Variants in FAXDC2 observed in about 807,000 individuals in gnomAD.
FAXDC2 encodes fatty acid hydroxylase domain containing 2, also known as fatty acid hydroxylase domain-containing protein 2.
A neutral mutation model predicts 40.9 loss-of-function variants in FAXDC2; 41 were observed. That is an observed-to-expected ratio of 1.00 (90% CI 0.78 to 1.30). The LOEUF is 1.30. Among genes scored for constraint, FAXDC2 ranks in the 50% most tolerant of loss-of-function variants. FAXDC2 has a pLI of 0.00. For missense variants in FAXDC2, 390 were observed against 408.8 expected, an observed-to-expected ratio of 0.95 and a Z score of 0.40; for synonymous variants, 157 against 149.3, an observed-to-expected ratio of 1.05 and a Z score of -0.38.
At chr5:154,842,826 G>A (rs540750946) in intron 1 of FAXDC2, among the ~76,000 whole-genome samples, 2 of 150,866 alleles carry the variant, frequency 1.3e-5, no homozygotes, top group South Asian at 2.1e-4. Flanking sequence ...CACTGCACCC[G>A]GCCCTTTTTT....
At chr5:154,835,027 A>G in intron 2 of FAXDC2, 93 bp from the exon 3 acceptor site, 1 of 801,052 alleles carries the variant, frequency 1.2e-6, no homozygotes. Flanking sequence ...CTGTAGGATC[A>G]GCATCTCAAC....
At position 154,820,260 on chromosome 5, in the gene FAXDC2, A is replaced by G; in HGVS notation, c.*56T>C. 1 of 1,426,956 alleles carries G rather than the reference A, an allele frequency of 7.0e-7. No individual in the cohort carries two copies. The highest frequency in any genetic ancestry group is 1.3e-5 in the South Asian group (1 of 74,388). The allele number at this position is 1,426,956 out of a possible 1,614,324, so 88.4% of individuals were successfully genotyped here. ...GGCAAATTGTTAGGTGCAATCAGGA[A>G]GCCGTGTCTGCATCCCATGGCTGAG... On this transcript the variant is annotated 3_prime_UTR_variant, in exon 9 of 9. Transcript: ENST00000326080.
chr5:154,824,694 T>C, intron 5 of FAXDC2: 2 of 607,164 alleles, frequency 3.3e-6, no homozygotes, highest in Non-Finnish European at 5.9e-6. Context: ...GCACTCAGTG[T>C]ACTGGGTGTT....
chr5:154,839,637 C>A (rs1157108633), intron 1 of FAXDC2, among the ~76,000 whole-genome samples: 6 of 151,274 alleles, frequency 4.0e-5, no homozygotes, highest in African/African-American at 9.7e-5. Context: ...CAGAGTGTGA[C>A]CTTGTCTCAA....
intron 5 of FAXDC2, 119 bp downstream of exon 5, chr5:154,830,682 G>T: frequency 8.5e-7 from 1 of 1,177,550 alleles, no homozygotes. Flanking sequence ...GGGGAGCCTT[G>T]TTGCTAATAA....
Position 154,826,063 on chromosome 5 carries a change from G to A in FAXDC2, c.367-2471C>T, listed in dbSNP as rs115342446. Among the ~76,000 whole-genome samples, 1,138 of 152,272 alleles carry A rather than the reference G, an allele frequency of 7.5e-3. 11 individuals are homozygous for A. Among genetic ancestry groups the A allele is most frequent in the African/African-American group, 0.027 (1,102 of 41,540 alleles). On this transcript the variant is annotated intron_variant, in intron 5 of 8. Transcript: ENST00000326080. Reference sequence around the variant, plus strand: ...AGAGTTCTGGGCTAGAGAGATAAATGTGTGAGCTGTCGGCCTATGGATGGT... The same window carrying A: ...AGAGTTCTGGGCTAGAGAGATAAATATGTGAGCTGTCGGCCTATGGATGGT...
At chr5:154,831,781 G>T (rs1760199085) in intron 4 of FAXDC2, among the ~76,000 whole-genome samples, 1 of 152,000 alleles carries the variant, frequency 6.6e-6, no homozygotes, top group Non-Finnish European at 1.5e-5. Flanking sequence ...AGTAACTGAA[G>T]TAATAAAGTG....
At chr5:154,844,175 G>A (rs1482320613) in intron 1 of FAXDC2, among the ~76,000 whole-genome samples, 11 of 151,162 alleles carry the variant, frequency 7.3e-5, no homozygotes, top group Admixed American at 6.6e-4. Context: ...TCGAGATTGC[G>A]CCACTGCACT....
At chr5:154,849,876 T>A (rs1760688846) in intron 1 of FAXDC2, among the ~76,000 whole-genome samples, 1 of 152,210 alleles carries the variant, frequency 6.6e-6, no homozygotes, top group Non-Finnish European at 1.5e-5. Flanking sequence ...GTGGAGTGTT[T>A]CCATAGGTAC....
chr5:154,838,273 G>T, intron 1 of FAXDC2, 95 bp from the exon 2 acceptor site: 6 of 1,120,506 alleles, frequency 5.4e-6, no homozygotes, highest in Non-Finnish European at 7.5e-6. Flanking sequence ...GGCTAGCAGT[G>T]ATTTTTGAAA....
chr5:154,824,354 G>A (rs191154652), intron 5 of FAXDC2: 163 of 630,762 alleles, frequency 2.6e-4, no homozygotes, highest in Non-Finnish European at 4.0e-4. Flanking sequence ...GGATCCTGAT[G>A]AACTTGTTTG....
chr5:154,841,369 T>C (rs1219127561), intron 1 of FAXDC2, among the ~76,000 whole-genome samples: 1 of 152,154 alleles, frequency 6.6e-6, no homozygotes, highest in Non-Finnish European at 1.5e-5. Context: ...CAGGTTCTGA[T>C]ACTGAGTGGG....
intron 1 of FAXDC2, among the ~76,000 whole-genome samples, chr5:154,843,042 A>G (rs867967720): frequency 6.6e-6 from 1 of 152,178 alleles, no homozygotes; most frequent in South Asian, 2.1e-4. Flanking sequence ...GGGAGATCTA[A>G]ATGTCTGCAA....
intron 4 of FAXDC2, among the ~76,000 whole-genome samples, chr5:154,831,778 G>C (rs1760198962): frequency 6.6e-6 from 1 of 152,080 alleles, no homozygotes; most frequent in African/African-American, 2.4e-5. Flanking sequence ...GGCAGTAACT[G>C]AAGTAATAAA....
At position 154,820,202 on chromosome 5, in the gene FAXDC2, G is replaced by A. The variant is rs972443642; in HGVS notation, c.*114C>T. The A allele has an allele frequency of 1.1e-5, 9 of 830,546 alleles. No homozygotes were observed. Among genetic ancestry groups the A allele is most frequent in the South Asian group, 1.8e-5 (1 of 56,702 alleles). 51.4% of individuals were successfully genotyped at this position (830,546 alleles called of 1,614,324 possible). A position where few individuals can be genotyped will look rare whatever the true frequency, so the allele number is the denominator to read the frequency against. ...GGAAGCCGACCTTCCCTCTACCCTG[G>A]TGGTGCCATCATTAGGGCGTGTGGC... On this transcript the variant is annotated 3_prime_UTR_variant, in exon 9 of 9. Transcript: ENST00000326080.
chr5:154,830,490 G>T, intron 5 of FAXDC2: 2 of 265,358 alleles, frequency 7.5e-6, no homozygotes, highest in South Asian at 6.7e-5. Flanking sequence ...CCATTCCTAT[G>T]GGTAAAGTGG....
chr5:154,825,874 G>A (rs935035257), intron 5 of FAXDC2, among the ~76,000 whole-genome samples: 2 of 152,004 alleles, frequency 1.3e-5, no homozygotes, highest in African/African-American at 4.8e-5. Context: ...CTGGAAGATT[G>A]GAATTGCCAT....
chr5:154,825,670 C>CAAAAAAAAAAAAAAAAAAT (rs1561652954), intron 5 of FAXDC2, among the ~76,000 whole-genome samples: 1 of 73,134 alleles, frequency 1.4e-5, no homozygotes, highest in Non-Finnish European at 2.4e-5. Flanking sequence ...AAAAAAAAAG[C>CAAAAAAAAAAAAAAAAAAT]AGTAATATAG....
chr5:154,838,427 A>T (rs1220267148), intron 1 of FAXDC2: 3 of 485,670 alleles, frequency 6.2e-6, no homozygotes, highest in Non-Finnish European at 1.1e-5. Context: ...TAGGTCTACC[A>T]ACTACAAAAA....
Sources: gnomAD v4.1 joint callset for allele counts (sites outside exome capture counted in the v4.1 genomes callset) on GRCh38, gnomAD v4.1.1 for gene constraint, MANE v1.5 for transcripts, NCBI Gene and HGNC (gene_info 2026-07-23, HGNC 2026-07-21) for gene names.